Variants in CDH13 observed in about 807,000 individuals in gnomAD.
CDH13 encodes the protein cadherin-13.
A neutral mutation model predicts 63.8 loss-of-function variants in CDH13; 24 were observed. The ratio of observed to expected loss-of-function variants is 0.38; its 90% CI spans 0.27 to 0.53. CDH13 has a LOEUF of 0.53. Ranked by LOEUF, CDH13 falls within the 20% of genes least tolerant of loss-of-function variation. The pLI is 0.85. For missense variants in CDH13, 1,049 were observed against 903.1 expected (o/e 1.16, Z -2.07); for synonymous variants, 503 against 355.3 (o/e 1.42, Z -4.67).
intron 3 of CDH13, among the ~76,000 whole-genome samples, chr16:83,097,549 C>T (rs966521105): frequency 2.0e-5 from 3 of 152,124 alleles, no homozygotes; most frequent in Non-Finnish European, 4.4e-5. Flanking sequence ...AGCCAATACC[C>T]CAGTAATCAA....
intron 6 of CDH13, among the ~76,000 whole-genome samples, chr16:83,345,416 A>G (rs1356119282): frequency 6.6e-6 from 1 of 152,228 alleles, no homozygotes; most frequent in African/African-American, 2.4e-5. Context: ...AATAAGAACT[A>G]TTTTAGTAAA....
intron 5 of CDH13, among the ~76,000 whole-genome samples, chr16:83,284,360 A>T (rs557021036): frequency 4.5e-4 from 68 of 152,336 alleles, no homozygotes; most frequent in African/African-American, 1.6e-3. Context: ...TAAAATCCTT[A>T]TCTGAAAAAT....
chr16:83,699,297 A>G (rs1905859127), intron 10 of CDH13, among the ~76,000 whole-genome samples: 1 of 152,240 alleles, frequency 6.6e-6, no homozygotes, highest in Admixed American at 6.5e-5. Context: ...TCAAAATAAT[A>G]TTCCTGCATT....
chr16:82,949,327 C>T (rs1905061109), intron 2 of CDH13, among the ~76,000 whole-genome samples: 1 of 152,154 alleles, frequency 6.6e-6, no homozygotes, highest in Admixed American at 6.5e-5. Flanking sequence ...AGTGTTCTCC[C>T]TGCGTCTCTG....
intron 1 of CDH13, among the ~76,000 whole-genome samples, chr16:82,814,858 C>T (rs1464257636): frequency 1.3e-5 from 2 of 152,024 alleles, no homozygotes; most frequent in East Asian, 1.9e-4. Context: ...TGGGATGTGG[C>T]TTTATCTCCA....
intron 4 of CDH13, among the ~76,000 whole-genome samples, chr16:83,140,462 C>CT (rs778816143): frequency 3.3e-5 from 5 of 151,732 alleles, no homozygotes; most frequent in East Asian, 3.9e-4. Flanking sequence ...TATCTTTTTT[C>CT]TTTTTTTTGA....
intron 7 of CDH13, among the ~76,000 whole-genome samples, chr16:83,583,787 T>C (rs1598328979): frequency 6.6e-6 from 1 of 150,722 alleles, no homozygotes; most frequent in Non-Finnish European, 1.5e-5. Context: ...CATGGTGGCA[T>C]GAGCCTCTAG....
chr16:82,657,561 T>C (rs1331822879), intron 1 of CDH13, among the ~76,000 whole-genome samples: 2 of 152,238 alleles, frequency 1.3e-5, no homozygotes, highest in Non-Finnish European at 2.9e-5. Flanking sequence ...ATTTTCAGAC[T>C]GTGATTGACC....
intron 10 of CDH13, among the ~76,000 whole-genome samples, chr16:83,729,667 C>T (rs954558891): frequency 6.6e-6 from 1 of 152,212 alleles, no homozygotes; most frequent in Non-Finnish European, 1.5e-5. Context: ...ATCCCACCCA[C>T]ATGAAGTTAT....
intron 6 of CDH13, among the ~76,000 whole-genome samples, chr16:83,429,395 G>A (rs959119560): frequency 1.3e-5 from 2 of 152,020 alleles, no homozygotes; most frequent in Non-Finnish European, 2.9e-5. Flanking sequence ...TTAAGGAAAG[G>A]GTTAGAACCT....
chr16:82,974,732 A>C (rs1909254775), intron 2 of CDH13, among the ~76,000 whole-genome samples: 1 of 152,180 alleles, frequency 6.6e-6, no homozygotes, highest in Non-Finnish European at 1.5e-5. Flanking sequence ...GCTGTCTTTG[A>C]AGATAGAGGA....
intron 1 of CDH13, among the ~76,000 whole-genome samples, chr16:82,739,768 G>T (rs545687766): frequency 1.2e-4 from 18 of 152,192 alleles, no homozygotes; most frequent in African/African-American, 3.6e-4. Flanking sequence ...AAAAACTATT[G>T]GTTCTGAATG....
At chr16:82,804,600 A>T (rs1385567360) in intron 1 of CDH13, among the ~76,000 whole-genome samples, 1 of 152,184 alleles carries the variant, frequency 6.6e-6, no homozygotes, top group Non-Finnish European at 1.5e-5. Flanking sequence ...AAAATAGTGG[A>T]TTTAATATAT....
intron 6 of CDH13, among the ~76,000 whole-genome samples, chr16:83,415,490 A>T (rs1326811842): frequency 5.9e-5 from 9 of 152,198 alleles, no homozygotes; most frequent in Admixed American, 5.9e-4. Context: ...AATATCCCTG[A>T]TAAATGTAGA....
Position 82,766,435 on chromosome 16 carries a change from C to G in CDH13, c.46-91927C>G, listed in dbSNP as rs2035055802. On this transcript the variant is annotated intron_variant, in intron 1 of 13. Transcript: ENST00000567109. ...CAAGGATAACTGTAGAGTATTGTGA[C>G]AAAGTGCAAAGATGCCACATGGATT... Among the ~76,000 whole-genome samples, 4 of 152,310 alleles carry G rather than the reference C, an allele frequency of 2.6e-5. No homozygotes were observed. The South Asian group carries it at 8.3e-4, about 32-fold the overall frequency.
At chr16:82,878,923 C>T (rs369611005) in intron 2 of CDH13, among the ~76,000 whole-genome samples, 1 of 152,050 alleles carries the variant, frequency 6.6e-6, no homozygotes, top group African/African-American at 2.4e-5. Context: ...TGCATGAGAT[C>T]CTCACCTTCT....
chr16:83,644,193 C>T (rs1433855566), intron 8 of CDH13, among the ~76,000 whole-genome samples: 1 of 152,240 alleles, frequency 6.6e-6, no homozygotes, highest in Admixed American at 6.5e-5. Context: ...CTCCCAATTT[C>T]ATTAACTTAG....
chr16:83,533,560 C>T (rs753980446), intron 7 of CDH13, among the ~76,000 whole-genome samples: 13 of 151,602 alleles, frequency 8.6e-5, no homozygotes, highest in Non-Finnish European at 1.6e-4. Flanking sequence ...TGGAATGGCA[C>T]GGCCCACGGC....
intron 1 of CDH13, chr16:82,688,813 A>T (rs982495929): frequency 6.6e-6 from 1 of 152,172 alleles, no homozygotes; most frequent in African/African-American, 2.4e-5. Context: ...TGGGTTGGTG[A>T]TTTGGTCACC....
Sources: allele counts gnomAD v4.1 joint callset (sites outside exome capture counted in the v4.1 genomes callset), GRCh38; gene constraint gnomAD v4.1.1; transcripts MANE v1.5; gene names NCBI Gene and HGNC (gene_info 2026-07-23, HGNC 2026-07-21).